TXNDC16: variants seen among roughly 807,000 people sequenced by gnomAD.
The protein encoded by TXNDC16 is thioredoxin domain containing 16.
TXNDC16 carries 74 observed loss-of-function variants against 85.6 expected under a neutral mutation model. The ratio of observed to expected loss-of-function variants is 0.86; its 90% CI spans 0.72 to 1.05. The LOEUF is 1.05. Among genes scored for constraint, TXNDC16 ranks in the 50% least tolerant of loss-of-function variants. The pLI is 0.00. For synonymous variants in TXNDC16, 335 were observed against 326.5 expected, an observed-to-expected ratio of 1.03 and a Z score of -0.28; for missense variants, 959 against 947.0, an observed-to-expected ratio of 1.01 and a Z score of -0.17.
At chr14:52,495,007 A>C (rs899483164) in intron 9 of TXNDC16, among the ~76,000 whole-genome samples, 11 of 152,206 alleles carry the variant, frequency 7.2e-5, no homozygotes, top group Admixed American at 6.5e-4. Flanking sequence ...GTGACCTGAA[A>C]ATTCAGATTT....
At chr14:52,493,393 A>G (rs541727851) in intron 9 of TXNDC16, among the ~76,000 whole-genome samples, 2 of 152,162 alleles carry the variant, frequency 1.3e-5, no homozygotes, top group African/African-American at 2.4e-5. Context: ...AATAAATAAC[A>G]TAGAGAAAAT....
intron 12 of TXNDC16, among the ~76,000 whole-genome samples, chr14:52,484,934 T>C (rs2036234694): frequency 6.6e-6 from 1 of 152,166 alleles, no homozygotes; most frequent in African/African-American, 2.4e-5. Flanking sequence ...AAATAATACT[T>C]GATAATGATA....
chr14:52,447,109 G>A (rs963646439), intron 18 of TXNDC16, among the ~76,000 whole-genome samples: 1 of 151,888 alleles, frequency 6.6e-6, no homozygotes, highest in South Asian at 2.1e-4. Flanking sequence ...GTTTTGGGGG[G>A]GCCACAATTC....
At chr14:52,480,276 C>T (rs1048041236) in intron 14 of TXNDC16, among the ~76,000 whole-genome samples, 11 of 151,990 alleles carry the variant, frequency 7.2e-5, no homozygotes, top group African/African-American at 2.4e-4. Flanking sequence ...ATTTCATGAC[C>T]AAGGACCCAA....
intron 9 of TXNDC16, among the ~76,000 whole-genome samples, chr14:52,498,156 T>C (rs2036575932): frequency 6.6e-6 from 1 of 152,100 alleles, no homozygotes; most frequent in Admixed American, 6.6e-5. Flanking sequence ...CCTCAAGATA[T>C]TAAACAGCAT....
chr14:52,455,512 A>T, intron 17 of TXNDC16, 50 bp from the exon 18 acceptor site: 1 of 1,606,120 alleles, frequency 6.2e-7, no homozygotes, highest in Non-Finnish European at 8.5e-7. Context: ...TAGCATGTCA[A>T]AAACATGAAA....
intron 16 of TXNDC16, among the ~76,000 whole-genome samples, chr14:52,465,558 C>T (rs1269058014): frequency 6.7e-6 from 1 of 148,574 alleles, no homozygotes; most frequent in Non-Finnish European, 1.5e-5. Context: ...CGCCACTGCA[C>T]TCCAGCCTGG....
intron 14 of TXNDC16, among the ~76,000 whole-genome samples, chr14:52,479,224 G>C (rs1348857224): frequency 6.6e-6 from 1 of 152,080 alleles, no homozygotes; most frequent in East Asian, 1.9e-4. Context: ...ATGGGGAAAA[G>C]TTGAAAGTAT....
rs138718323 is a variant in TXNDC16 at position 52,439,335 on chromosome 14, A to C, written c.2063T>G (p.Leu688Arg). The C allele has an allele frequency of 1.2e-5, 19 of 1,613,940 alleles. No individual in the cohort carries two copies. The African/African-American group carries it at 2.0e-4, about 17-fold the overall frequency. Reference protein sequence around the residue: ...LRAYFDPLPPLPLLVLVNLHS... With the variant: ...LRAYFDPLPPRPLLVLVNLHS... ...CAGATTCACCAAAACAAGAAGAGGA[A>C]GGGGAGGCAGAGGATCAAAATATGC... The change falls in exon 20 of 21, where the codon CTT becomes CGT. Residue 688 changes from leucine (L) to arginine (R), a missense_variant. Physicochemically the swap from Leu to Arg is moderately radical, Grantham distance 102 (BLOSUM62 -2). Coordinates refer to ENST00000281741, the MANE Select transcript of TXNDC16 (RefSeq NM_020784.3).
At chr14:52,535,094 T>C (rs528590227) in intron 6 of TXNDC16, among the ~76,000 whole-genome samples, 1 of 152,350 alleles carries the variant, frequency 6.6e-6, no homozygotes, top group Admixed American at 6.5e-5. Flanking sequence ...TCATTCTTTA[T>C]GAAAAGACTT....
chr14:52,455,812 G>C (rs944349466), intron 17 of TXNDC16, among the ~76,000 whole-genome samples: 1 of 152,120 alleles, frequency 6.6e-6, no homozygotes, highest in Admixed American at 6.6e-5. Context: ...GTAAGAAAAT[G>C]GGCATTTATG....
At chr14:52,477,929 C>A (rs1377582508) in intron 14 of TXNDC16, among the ~76,000 whole-genome samples, 1 of 152,026 alleles carries the variant, frequency 6.6e-6, no homozygotes, top group African/African-American at 2.4e-5. Context: ...TGATAGAGGC[C>A]ACAAAATGAG....
At chr14:52,529,822 T>A (rs1372813478) in intron 6 of TXNDC16, among the ~76,000 whole-genome samples, 1 of 109,052 alleles carries the variant, frequency 9.2e-6, no homozygotes, top group African/African-American at 3.8e-5. Flanking sequence ...TATTATATAT[T>A]ATGTATTATT....
chr14:52,523,186 T>C (rs957037320), intron 6 of TXNDC16, among the ~76,000 whole-genome samples: 2 of 152,230 alleles, frequency 1.3e-5, no homozygotes, highest in Admixed American at 1.3e-4. Context: ...TGGGATTTTC[T>C]TGCTCTGTTG....
At chr14:52,490,330 C>T in intron 11 of TXNDC16, 61 bp downstream of exon 11, 1 of 1,146,648 alleles carries the variant, frequency 8.7e-7, no homozygotes, top group Admixed American at 2.7e-5. Flanking sequence ...TATTAAAGAC[C>T]ACATATATTA....
At chr14:52,508,507 G>A (rs2036871040) in intron 9 of TXNDC16, among the ~76,000 whole-genome samples, 1 of 152,276 alleles carries the variant, frequency 6.6e-6, no homozygotes, top group Non-Finnish European at 1.5e-5. Context: ...AGTCAGTGTG[G>A]GGATTCCTCA....
chr14:52,501,371 G>A (rs569565435), intron 9 of TXNDC16, among the ~76,000 whole-genome samples: 10 of 152,080 alleles, frequency 6.6e-5, no homozygotes, highest in South Asian at 2.1e-4. Context: ...ACACAATGCC[G>A]TTTACAAAAA....
chr14:52,539,965 C>T (rs10145120), intron 4 of TXNDC16, among the ~76,000 whole-genome samples: 46,219 of 151,966 alleles, frequency 0.3, 7,434 homozygotes, highest in African/African-American at 0.42. Context: ...TTGTACTTTA[C>T]GTTTTTTTTC....
chr14:52,547,920 C>A (rs79381193), intron 1 of TXNDC16, among the ~76,000 whole-genome samples: 1 of 152,204 alleles, frequency 6.6e-6, no homozygotes, highest in African/African-American at 2.4e-5. Flanking sequence ...GTTCTCTGCA[C>A]GTTAAAATTA....
Sources: allele counts gnomAD v4.1 joint callset (sites outside exome capture counted in the v4.1 genomes callset), GRCh38; gene constraint gnomAD v4.1.1; transcripts MANE v1.5; gene names NCBI Gene and HGNC (gene_info 2026-07-23, HGNC 2026-07-21).